CNTN4: variants seen among roughly 807,000 people sequenced by gnomAD.
CNTN4 encodes the protein contactin 4.
In CNTN4, 77 loss-of-function variants were observed where a neutral mutation model predicts 122.5. The ratio of observed to expected loss-of-function variants is 0.63; its 90% CI spans 0.52 to 0.76. The LOEUF is 0.76. Among genes scored for constraint, CNTN4 ranks in the 30% least tolerant of loss-of-function variants. The pLI, the probability that CNTN4 is intolerant of heterozygous loss-of-function variation, is 0.00. For missense variants in CNTN4, 1,256 were observed against 1,259.1 expected (o/e 1.00, Z 0.04); for synonymous variants, 512 against 447.0 (o/e 1.15, Z -1.83).
At chr3:2,927,023 C>A (rs1320513209) in intron 13 of CNTN4, among the ~76,000 whole-genome samples, 1 of 152,160 alleles carries the variant, frequency 6.6e-6, no homozygotes, top group African/African-American at 2.4e-5. Flanking sequence ...CGTGAGATTA[C>A]TTTTAATAGC....
intron 3 of CNTN4, among the ~76,000 whole-genome samples, chr3:2,429,100 T>C (rs2047957944): frequency 6.6e-6 from 1 of 152,222 alleles, no homozygotes; most frequent in Non-Finnish European, 1.5e-5. Flanking sequence ...TAATTCTCCA[T>C]CCAGGTTTGT....
chr3:2,367,125 A>G (rs1575473396), intron 3 of CNTN4, among the ~76,000 whole-genome samples: 1 of 152,206 alleles, frequency 6.6e-6, no homozygotes, highest in East Asian at 1.9e-4. Context: ...GAAATGGTAT[A>G]TAATAAAAAG....
intron 2 of CNTN4, among the ~76,000 whole-genome samples, chr3:2,191,690 C>A (rs1166748992): frequency 4.2e-5 from 3 of 70,972 alleles, no homozygotes; most frequent in South Asian, 7.9e-4. Context: ...TAACAAAATT[C>A]TATGTATATA....
At chr3:2,261,026 C>T (rs928353752) in intron 2 of CNTN4, among the ~76,000 whole-genome samples, 1 of 152,040 alleles carries the variant, frequency 6.6e-6, no homozygotes, top group Admixed American at 6.6e-5. Context: ...ACACTGCAGC[C>T]GGCCTAAGTT....
chr3:2,627,122 G>A (rs887056453), intron 4 of CNTN4, among the ~76,000 whole-genome samples: 2 of 152,146 alleles, frequency 1.3e-5, no homozygotes, highest in African/African-American at 2.4e-5. Flanking sequence ...GACCTCCTGG[G>A]ATGCAGGACT....
intron 2 of CNTN4, among the ~76,000 whole-genome samples, chr3:2,272,370 T>G (rs1056726001): frequency 6.6e-6 from 1 of 152,154 alleles, no homozygotes; most frequent in Non-Finnish European, 1.5e-5. Context: ...TAAATGGAGT[T>G]TATAATATCT....
intron 2 of CNTN4, among the ~76,000 whole-genome samples, chr3:2,332,341 C>G (rs1359051747): frequency 6.6e-6 from 1 of 152,030 alleles, no homozygotes; most frequent in Non-Finnish European, 1.5e-5. Context: ...GTAATCTCTC[C>G]AAATAAGTAT....
At chr3:2,135,688 A>C (rs1163999490) in intron 2 of CNTN4, among the ~76,000 whole-genome samples, 4 of 151,594 alleles carry the variant, frequency 2.6e-5, no homozygotes, top group Non-Finnish European at 5.9e-5. Context: ...AAGGGGTGCT[A>C]TGGGAACCTT....
At position 2,286,902 on chromosome 3, in the gene CNTN4, A is replaced by C. The variant is rs535404951; in HGVS notation, c.-144-52276A>C. Among the ~76,000 whole-genome samples the C allele has an allele frequency of 4.6e-3, 695 of 152,348 alleles. 5 individuals are homozygous for C. Among genetic ancestry groups the C allele is most frequent in the African/African-American group, 0.016 (668 of 41,600 alleles). ...CATGGCATCATTATATACAAATGCT[A>C]GATGAGCTATCAATGCAGATTTCAG... On this transcript the variant is annotated intron_variant, in intron 2 of 24. Coordinates refer to ENST00000418658, the MANE Select transcript of CNTN4 (RefSeq NM_175607.3).
At chr3:3,008,601 A>G (rs1475304568) in intron 14 of CNTN4, among the ~76,000 whole-genome samples, 1 of 152,210 alleles carries the variant, frequency 6.6e-6, no homozygotes, top group African/African-American at 2.4e-5. Flanking sequence ...CTTTGCAAAA[A>G]GAGAATACCC....
intron 2 of CNTN4, among the ~76,000 whole-genome samples, chr3:2,335,832 A>G (rs539960046): frequency 5.9e-5 from 9 of 152,314 alleles, no homozygotes; most frequent in Admixed American, 5.9e-4. Flanking sequence ...AAGATCAGTT[A>G]TGAAAATCCA....
rs771789182 is a variant in CNTN4 at position 2,180,330 on chromosome 3, A to G, written c.-145+79691A>G. On this transcript the variant is annotated intron_variant, in intron 2 of 24. Transcript: ENST00000418658. ...TCAAATTCATTCTTCACAATAGTCT[A>G]GAAGGGTATGTTACTTTACAGGTTA... Among the ~76,000 whole-genome samples, 5 of 152,076 alleles carry G rather than the reference A, an allele frequency of 3.3e-5. 1 individual carries two copies. The highest frequency in any genetic ancestry group is 4.1e-4 in the South Asian group (2 of 4,830).
At chr3:2,850,804 C>T (rs1276986705) in intron 7 of CNTN4, among the ~76,000 whole-genome samples, 1 of 152,212 alleles carries the variant, frequency 6.6e-6, no homozygotes, top group African/African-American at 2.4e-5. Context: ...GAATTTAAAT[C>T]ATATAATATT....
intron 3 of CNTN4, among the ~76,000 whole-genome samples, chr3:2,430,281 G>A (rs2048015406): frequency 6.6e-6 from 1 of 151,900 alleles, no homozygotes; most frequent in South Asian, 2.1e-4. Flanking sequence ...AATTAGCCGG[G>A]CGTGGTGGCG....
rs545824587 is a variant in CNTN4, at chr3:2,887,037, C to T, written c.756-3C>T. 3 of 1,613,000 alleles carry T rather than the reference C, an allele frequency of 1.9e-6. No homozygotes were observed. Among genetic ancestry groups the T allele is most frequent in the Admixed American group, 1.7e-5 (1 of 59,990 alleles). On this transcript the variant is annotated splice_polypyrimidine_tract_variant and splice_region_variant and intron_variant, in intron 9 of 24. Coordinates refer to ENST00000418658, the MANE Select transcript of CNTN4 (RefSeq NM_175607.3). ...ATTCACTCCTTTTTATTCTTGCTAT[C>T]AGTCCAGTACCAACTATTATCTGGC...
rs368592356 is a variant in CNTN4, at chr3:3,014,372, A to G, written c.1487-11730A>G. On this transcript the variant is annotated intron_variant, in intron 14 of 24. Transcript: ENST00000418658. Reference sequence around the variant, plus strand: ...AAAATGTGGGACTTTGGGTCACGTCAGAACTCTGACTTAAATTTCAGGCAC... The same window carrying G: ...AAAATGTGGGACTTTGGGTCACGTCGGAACTCTGACTTAAATTTCAGGCAC... 3.3e-5 allele frequency among the ~76,000 whole-genome samples: 5 copies of G among 152,328 alleles called. 1 individual carries two copies. Among genetic ancestry groups the G allele is most frequent in the South Asian group, 4.1e-4 (2 of 4,828 alleles).
At chr3:2,352,574 C>T (rs1209487242) in intron 3 of CNTN4, among the ~76,000 whole-genome samples, 1 of 152,188 alleles carries the variant, frequency 6.6e-6, no homozygotes, top group East Asian at 1.9e-4. Context: ...CCCAGCAGTG[C>T]CAGCCCGCCA....
chr3:2,336,010 C>G (rs62243995), intron 2 of CNTN4, among the ~76,000 whole-genome samples: 19,334 of 152,144 alleles, frequency 0.13, 1,513 homozygotes, highest in Non-Finnish European at 0.18. Flanking sequence ...CAGGTACATA[C>G]TTTCCCACAG....
chr3:2,774,194 G>A (rs1047621479), intron 6 of CNTN4, among the ~76,000 whole-genome samples: 1 of 152,026 alleles, frequency 6.6e-6, no homozygotes, highest in Non-Finnish European at 1.5e-5. Context: ...CTGGGAGGTG[G>A]AGGTTGCAGT....
Sources: allele counts gnomAD v4.1 joint callset (sites outside exome capture counted in the v4.1 genomes callset), GRCh38; gene constraint gnomAD v4.1.1; transcripts MANE v1.5; gene names NCBI Gene and HGNC (gene_info 2026-07-23, HGNC 2026-07-21).